NTSR1: variants seen among roughly 807,000 people sequenced by gnomAD.
NTSR1 encodes neurotensin receptor type 1.
In NTSR1, 29 loss-of-function variants were observed where a neutral mutation model predicts 31.2. The observed-to-expected ratio is 0.93, with a 90% CI of 0.69 to 1.27. The LOEUF (loss-of-function observed/expected upper bound fraction) is 1.27. Among genes scored for constraint, NTSR1 ranks in the 50% most tolerant of loss-of-function variants. The pLI is 0.00. For synonymous variants in NTSR1, 282 were observed against 269.9 expected, an observed-to-expected ratio of 1.04 and a Z score of -0.44; for missense variants, 697 against 595.4, an observed-to-expected ratio of 1.17 and a Z score of -1.78.
At position 62,759,419 on chromosome 20, in the gene NTSR1, C is replaced by T. The variant is rs1295171642; in HGVS notation, c.1008-599C>T. 2.6e-5 allele frequency among the ~76,000 whole-genome samples: 4 copies of T among 152,282 alleles called. No homozygotes were observed. In the East Asian group the frequency reaches 5.8e-4, roughly 22 times the overall value. On this transcript the variant is annotated intron_variant, in intron 3 of 3. Coordinates refer to ENST00000370501, the MANE Select transcript of NTSR1 (RefSeq NM_002531.3). ...CTTGGATGCACAGAGCTGCGAAGGG[C>T]AATGCAGGCAGCTGCAAGGAGAGGC...
At position 62,741,166 on chromosome 20, in the gene NTSR1, C is replaced by G. The variant is rs1989198350; in HGVS notation, c.715-13519C>G. ...CTGACTAAGGCCCTCTGGGCTAAGT[C>G]AGGGGTCTCCCGGCAGCCAGGCTGC... On this transcript the variant is annotated intron_variant, in intron 1 of 3. Coordinates refer to ENST00000370501, the MANE Select transcript of NTSR1 (RefSeq NM_002531.3). This position sits in a 1 kb window ranked among gnomAD's most constrained non-coding sequence, Gnocchi z 4.3. Among the ~76,000 whole-genome samples, 1 of 150,662 alleles carries G rather than the reference C, an allele frequency of 6.6e-6. No individual in the cohort carries two copies. Among genetic ancestry groups the G allele is most frequent in the Admixed American group, 6.6e-5 (1 of 15,266 alleles).
chr20:62,709,562 G>A lies in NTSR1; in HGVS notation c.355G>A (p.Ala119Thr), dbSNP rs374670546. Residue 119 changes from alanine to threonine, a missense_variant, in exon 1 of 4, where the codon GCC (alanine) becomes ACC (threonine). By Grantham distance (58) the Ala-to-Thr change is moderately conservative (BLOSUM62 0). Transcript: ENST00000370501. ...GTCCGACCTGCTCACCCTGCTGCTGGCCATGCCCGTGGAGCTGTACAACTT... is the reference window on the plus strand; with the variant it reads ...GTCCGACCTGCTCACCCTGCTGCTGACCATGCCCGTGGAGCTGTACAACTT... ...ALSDLLTLLL[A>T]MPVELYNFIW... The A allele has an allele frequency of 1.7e-5, 28 of 1,611,710 alleles. No homozygotes were observed. Among genetic ancestry groups the A allele is most frequent in the Non-Finnish European group, 2.4e-5 (28 of 1,179,882 alleles).
chr20:62,714,391 T>G lies in NTSR1; in HGVS notation c.714+4470T>G, dbSNP rs1988674252. ...TACTTTAGAATAACCCAAGAGTAGA[T>G]AAAAGGCAGTGTCTCAGCCCAGAAA... On this transcript the variant is annotated intron_variant, in intron 1 of 3. Coordinates refer to ENST00000370501, the MANE Select transcript of NTSR1 (RefSeq NM_002531.3). The surrounding 1 kb of genome is among the most constrained non-coding windows in gnomAD (Gnocchi z 4.1). Among the ~76,000 whole-genome samples the G allele has an allele frequency of 6.6e-6, 1 of 152,144 alleles. No homozygotes were observed. Among genetic ancestry groups the G allele is most frequent in the African/African-American group, 2.4e-5 (1 of 41,398 alleles).
chr20:62,754,309 G>A (rs1254134474), intron 1 of NTSR1, among the ~76,000 whole-genome samples: 3 of 152,202 alleles, frequency 2.0e-5, no homozygotes, highest in Non-Finnish European at 4.4e-5. Context: ...GTGGGCCTCA[G>A]CCATGCACAC....
intron 1 of NTSR1, among the ~76,000 whole-genome samples, chr20:62,747,436 T>C (rs1277959972): frequency 8.6e-6 from 1 of 116,248 alleles, no homozygotes; most frequent in East Asian, 2.4e-4. Flanking sequence ...AAAGGCCACG[T>C]ATGATGACAG....
chr20:62,760,105 C>G lies in NTSR1; in HGVS notation c.1095C>G (p.Asn365Lys), dbSNP rs1371683239. The part of the protein sequence containing the change: ...VSSTINPILY[N>K]LVSANFRHIF... ...CCACCATCAACCCCATCCTGTACAA[C>G]CTCGTCTCTGCCAACTTCCGCCACA... Residue 365 changes from asparagine (N) to lysine (K), a missense_variant, in exon 4 of 4, where the codon AAC (asparagine) becomes AAG (lysine). Transcript: ENST00000370501. 1.2e-6 allele frequency: 2 copies of G among 1,614,204 alleles called. No individual in the cohort carries two copies. Among genetic ancestry groups the G allele is most frequent in the Non-Finnish European group, 1.7e-6 (2 of 1,180,046 alleles).
chr20:62,736,895 A>C (rs1295482264), intron 1 of NTSR1, among the ~76,000 whole-genome samples: 1 of 152,128 alleles, frequency 6.6e-6, no homozygotes, highest in African/African-American at 2.4e-5. Context: ...GTGAGAGTGA[A>C]TCTCATGAGA....
chr20:62,721,633 G>A (rs1851297497), intron 1 of NTSR1, among the ~76,000 whole-genome samples: 1 of 152,198 alleles, frequency 6.6e-6, no homozygotes. Flanking sequence ...CGGTTTTCAA[G>A]CCCTTAACTA....
intron 1 of NTSR1, among the ~76,000 whole-genome samples, chr20:62,752,531 T>C (rs576711324): frequency 2.5e-4 from 38 of 152,330 alleles, no homozygotes; most frequent in African/African-American, 8.2e-4. Context: ...CGGCAGACTC[T>C]GTTCCCTCCC....
Position 62,709,602 on chromosome 20 carries a change from AC to A in NTSR1, c.399del (p.Trp134GlyfsTer29). 1 of 1,611,370 alleles carries A rather than the reference AC, an allele frequency of 6.2e-7. No individual in the cohort carries two copies. Among genetic ancestry groups the A allele is most frequent in the Non-Finnish European group, 8.5e-7 (1 of 1,179,836 alleles). On this transcript the variant is annotated frameshift_variant, in exon 1 of 4. Transcript: ENST00000370501. LOFTEE classifies it high-confidence loss of function. Reference protein sequence around the residue: ...VELYNFIWVHHPWAFGDAGCR... With the variant: ...VELYNFIWVHXPWAFGDAGCR... ...CTGTACAACTTCATCTGGGTGCACC[AC>A]CCCTGGGCCTTCGGCGACGCCGGCT...
In NTSR1 at chr20:62,709,503, G is replaced by A. The variant is rs779023554; in HGVS notation, c.296G>A (p.Ser99Asn). The A allele has an allele frequency of 2.2e-5, 35 of 1,612,498 alleles. No individual in the cohort carries two copies. In the African/African-American group the frequency reaches 3.9e-4, roughly 18 times the overall value. Reference sequence around the variant, plus strand: ...AAGAAGTCGCTGCAGAGCCTGCAGAGCACGGTGCATTACCACCTGGGCAGC... The same window carrying A: ...AAGAAGTCGCTGCAGAGCCTGCAGAACACGGTGCATTACCACCTGGGCAGC... The part of the protein sequence containing the change: ...ARKKSLQSLQ[S>N]TVHYHLGSLA... The change falls in exon 1 of 4, where the codon AGC becomes AAC. Residue 99 changes from serine to asparagine, a missense_variant. Ser to Asn is a conservative substitution (Grantham distance 46). Coordinates refer to ENST00000370501, the MANE Select transcript of NTSR1 (RefSeq NM_002531.3).
At chr20:62,749,967 G>A (rs917374955) in intron 1 of NTSR1, among the ~76,000 whole-genome samples, 5 of 152,150 alleles carry the variant, frequency 3.3e-5, no homozygotes, top group South Asian at 2.1e-4. Context: ...CAAAGGAAGC[G>A]GAATCCGGAT....
intron 1 of NTSR1, among the ~76,000 whole-genome samples, chr20:62,754,317 CACA>C (rs1297796878): frequency 1.3e-5 from 2 of 152,328 alleles, no homozygotes; most frequent in Middle Eastern, 3.4e-3. Flanking sequence ...CAGCCATGCA[CACA>C]ACATGTCCAG....
intron 1 of NTSR1, among the ~76,000 whole-genome samples, chr20:62,710,251 A>C (rs1364667724): frequency 6.6e-6 from 1 of 152,244 alleles, no homozygotes; most frequent in African/African-American, 2.4e-5. Flanking sequence ...CACTTTCATC[A>C]GCTTCTCAAA....
Position 62,751,244 on chromosome 20 carries a change from C to T in NTSR1, c.715-3441C>T, listed in dbSNP as rs1286621441. On this transcript the variant is annotated intron_variant, in intron 1 of 3. Transcript: ENST00000370501. ...TGGGGGAAAAGGTTAAAAATATATA[C>T]ATTTAAATTTAAAACTTCCATGATT... Among the ~76,000 whole-genome samples, 5 of 152,284 alleles carry T rather than the reference C, an allele frequency of 3.3e-5. No homozygotes were observed. The South Asian group carries it at 6.2e-4, about 19-fold the overall frequency.
At chr20:62,753,650 C>G (rs777301330) in intron 1 of NTSR1, among the ~76,000 whole-genome samples, 1 of 152,236 alleles carries the variant, frequency 6.6e-6, no homozygotes, top group Non-Finnish European at 1.5e-5. Context: ...CAGCCAAAGA[C>G]GCCAAGATCT....
chr20:62,726,988 G>C (rs1988917967), intron 1 of NTSR1, among the ~76,000 whole-genome samples: 1 of 152,230 alleles, frequency 6.6e-6, no homozygotes, highest in South Asian at 2.1e-4. Flanking sequence ...GGACAACCGT[G>C]GCCTTGGATG....
At chr20:62,735,419 A>T (rs2147140129) in intron 1 of NTSR1, 1 of 152,264 alleles carries the variant, frequency 6.6e-6, no homozygotes, top group East Asian at 1.9e-4. Context: ...CCGGGGAGAG[A>T]GTGGGTGCCT....
chr20:62,709,486 G>GCTGCAGAGC lies in NTSR1; in HGVS notation c.289_297dup (p.Leu97_Ser99dup). On this transcript the variant is annotated inframe_insertion, in exon 1 of 4. Coordinates refer to ENST00000370501, the MANE Select transcript of NTSR1 (RefSeq NM_002531.3). ...CGTTCACGCTGGCGCGGAAGAAGTC[G>GCTGCAGAGC]CTGCAGAGCCTGCAGAGCACGGTGC... 1 of 1,612,592 alleles carries GCTGCAGAGC rather than the reference G, an allele frequency of 6.2e-7. No homozygotes were observed. Among genetic ancestry groups the GCTGCAGAGC allele is most frequent in the Non-Finnish European group, 8.5e-7 (1 of 1,179,840 alleles).
Sources: gnomAD v4.1 joint callset for allele counts (sites outside exome capture counted in the v4.1 genomes callset) on GRCh38, gnomAD v4.1.1 for gene constraint, Gnocchi (gnomAD v3.1) non-coding constraint, MANE v1.5 for transcripts, NCBI Gene and HGNC (gene_info 2026-07-23, HGNC 2026-07-21) for gene names.